FAXC: variants seen among roughly 807,000 people sequenced by gnomAD.
The protein encoded by FAXC is failed axon connections homolog.
FAXC carries 10 observed loss-of-function variants against 41.9 expected under a neutral mutation model. That is an observed-to-expected ratio of 0.24 (90% CI 0.15 to 0.41). The LOEUF (loss-of-function observed/expected upper bound fraction) is 0.41. Ranked by LOEUF, FAXC falls within the 10% of genes least tolerant of loss-of-function variation. FAXC has a pLI of 1.00. For missense variants in FAXC, 399 were observed against 510.9 expected (o/e 0.78, Z 2.11); for synonymous variants, 183 against 183.8 (o/e 1.00, Z 0.03).
intron 2 of FAXC, among the ~76,000 whole-genome samples, chr6:99,340,833 T>G (rs1166938972): frequency 6.6e-6 from 1 of 152,044 alleles, no homozygotes; most frequent in Non-Finnish European, 1.5e-5. Flanking sequence ...CACACCTGGC[T>G]AATTTTCGTA....
intron 5 of FAXC, among the ~76,000 whole-genome samples, chr6:99,287,276 A>AT (rs1278247029): frequency 3.3e-5 from 5 of 152,106 alleles, no homozygotes; most frequent in East Asian, 1.9e-4. Context: ...CAGCTTAAAA[A>AT]ATATATATAT....
intron 3 of FAXC, among the ~76,000 whole-genome samples, chr6:99,325,606 C>T (rs1250254446): frequency 6.6e-6 from 1 of 152,196 alleles, no homozygotes; most frequent in East Asian, 1.9e-4. Context: ...TCTATATAGA[C>T]ATGGAAACGA....
intron 3 of FAXC, among the ~76,000 whole-genome samples, chr6:99,325,831 G>A (rs1017617630): frequency 7.2e-5 from 11 of 152,182 alleles, no homozygotes; most frequent in Admixed American, 1.3e-4. Context: ...AATAGCATCC[G>A]AAAAGCATCT....
intron 3 of FAXC, among the ~76,000 whole-genome samples, chr6:99,328,417 A>C (rs1772898927): frequency 6.6e-6 from 1 of 152,226 alleles, no homozygotes; most frequent in Non-Finnish European, 1.5e-5. Context: ...ATGAGTCAGG[A>C]AGCTGGCCCT....
At chr6:99,302,946 A>AGTT (rs1771770889) in intron 4 of FAXC, among the ~76,000 whole-genome samples, 1 of 152,218 alleles carries the variant, frequency 6.6e-6, no homozygotes, top group Admixed American at 6.5e-5. Flanking sequence ...GTGATTGTAA[A>AGTT]GTTGTTCATT....
rs556656983 is a variant in FAXC, at chr6:99,345,810, T to C, written c.267-2777A>G. On this transcript the variant is annotated intron_variant, in intron 1 of 5. Transcript: ENST00000389677. ...GTCATTCAATTTACAAACAAAAATT[T>C]CCAAAGCCTGATTGAATTTAAGATA... Among the ~76,000 whole-genome samples, 57 of 152,298 alleles carry C rather than the reference T, an allele frequency of 3.7e-4. 1 individual carries two copies. In the East Asian group the frequency reaches 0.01, roughly 28 times the overall value.
At chr6:99,341,831 C>A (rs1363884973) in intron 2 of FAXC, among the ~76,000 whole-genome samples, 1 of 152,118 alleles carries the variant, frequency 6.6e-6, no homozygotes, top group African/African-American at 2.4e-5. Context: ...ACAAACCAGG[C>A]TAAAGCTTCA....
In FAXC at chr6:99,349,512, ACT is replaced by A. The variant is rs1336878511; in HGVS notation, c.-142_-141del. The A allele has an allele frequency of 2.4e-4, 122 of 500,884 alleles. No homozygotes were observed. Among genetic ancestry groups the A allele is most frequent in the East Asian group, 7.9e-4 (5 of 6,362 alleles). The allele number at this position is 500,884 out of a possible 1,614,324, so 31.0% of individuals were successfully genotyped here. Reference sequence around the variant, plus strand: ...GGCGGCGACTGAGGAGGCGGCGGCGACTGAGGAGGCGGCGGCAGAGGAGGAGG... The same window carrying A: ...GGCGGCGACTGAGGAGGCGGCGGCGAGAGGAGGCGGCGGCAGAGGAGGAGG... On this transcript the variant is annotated 5_prime_UTR_variant, in exon 1 of 6. Coordinates refer to ENST00000389677, the MANE Select transcript of FAXC (RefSeq NM_032511.4).
chr6:99,290,645 T>C (rs1264120724), intron 5 of FAXC, among the ~76,000 whole-genome samples: 1 of 151,072 alleles, frequency 6.6e-6, no homozygotes. Context: ...GAGGTTGTAG[T>C]GAGCCAAGAT....
intron 4 of FAXC, among the ~76,000 whole-genome samples, chr6:99,297,628 G>A (rs80285529): frequency 6.6e-6 from 1 of 152,108 alleles, no homozygotes; most frequent in Non-Finnish European, 1.5e-5. Flanking sequence ...GCTCTGAGCC[G>A]CCCCCTTGGG....
chr6:99,281,299 T>G lies in FAXC; in HGVS notation c.1095A>C (p.Ser365=). 6.2e-7 allele frequency: 1 copy of G among 1,614,196 alleles called. No individual in the cohort carries two copies. Among genetic ancestry groups the G allele is most frequent in the Non-Finnish European group, 8.5e-7 (1 of 1,180,022 alleles). The stretch of plus-strand genomic sequence containing the variant: ...CCTCATCTTCAAAGGTCTCTGTCCT[T>G]GAGTAAAAGCTAAAATCCAGCAGCG... ...HTPLLDFSFY[S]RTETFEDEGA... The change falls in exon 6 of 6, where the codon TCA becomes TCC. Residue 365 remains serine, a synonymous_variant. Coordinates refer to ENST00000389677, the MANE Select transcript of FAXC (RefSeq NM_032511.4).
chr6:99,315,256 A>AAAAAC (rs1772306310), intron 4 of FAXC, among the ~76,000 whole-genome samples: 1 of 135,716 alleles, frequency 7.4e-6, no homozygotes, highest in African/African-American at 3.1e-5. Flanking sequence ...AAAAAAAAAA[A>AAAAAC]AAAAAACCAG....
intron 1 of FAXC, among the ~76,000 whole-genome samples, chr6:99,346,455 C>T (rs958178755): frequency 6.6e-6 from 1 of 152,314 alleles, no homozygotes; most frequent in African/African-American, 2.4e-5. Flanking sequence ...GGCACCATCT[C>T]GGCTCACTGC....
At chr6:99,294,577 T>C (rs1001355383) in intron 4 of FAXC, among the ~76,000 whole-genome samples, 3 of 152,020 alleles carry the variant, frequency 2.0e-5, no homozygotes, top group African/African-American at 7.3e-5. Flanking sequence ...ATTTTTGTTG[T>C]GTGTGTGTGT....
chr6:99,343,586 T>C (rs928815561), intron 1 of FAXC, among the ~76,000 whole-genome samples: 1 of 152,232 alleles, frequency 6.6e-6, no homozygotes, highest in Non-Finnish European at 1.5e-5. Flanking sequence ...TTGCTAGTTA[T>C]GGCAGAATGG....
chr6:99,317,831 G>A (rs1772422934), intron 4 of FAXC, among the ~76,000 whole-genome samples: 1 of 152,206 alleles, frequency 6.6e-6, no homozygotes, highest in Admixed American at 6.5e-5. Flanking sequence ...GGTCATACCT[G>A]TAATCTATGT....
At chr6:99,281,744 G>C (rs559551442) in intron 5 of FAXC, among the ~76,000 whole-genome samples, 85 of 152,350 alleles carry the variant, frequency 5.6e-4, no homozygotes, top group African/African-American at 2.0e-3. Context: ...CCCCAGGCAG[G>C]CCCTCGCCAG....
rs776814943 is a variant in FAXC, at chr6:99,349,404, G to T, written c.-32C>A. On this transcript the variant is annotated 5_prime_UTR_variant, in exon 1 of 6. It adds an upstream start codon to the 5' untranslated region. Transcript: ENST00000389677. ...CGGCTGGCTCCGGGCGCCCCTCCCA[G>T]GGCCCGCGCCGCCCGCATGGGAAGG... 5 of 1,541,048 alleles carry T rather than the reference G, an allele frequency of 3.2e-6. No homozygotes were observed. Among genetic ancestry groups the T allele is most frequent in the Non-Finnish European group, 4.4e-6 (5 of 1,148,062 alleles).
chr6:99,308,238 A>C (rs945741408), intron 4 of FAXC, among the ~76,000 whole-genome samples: 2 of 152,242 alleles, frequency 1.3e-5, no homozygotes, highest in Admixed American at 6.5e-5. Flanking sequence ...CGGAGATTGC[A>C]GTGAGCCAAG....
Sources: allele counts gnomAD v4.1 joint callset (sites outside exome capture counted in the v4.1 genomes callset), GRCh38; gene constraint gnomAD v4.1.1; transcripts MANE v1.5; gene names NCBI Gene and HGNC (gene_info 2026-07-23, HGNC 2026-07-21).